GRHL2: variants seen among roughly 807,000 people sequenced by gnomAD.
GRHL2 encodes the protein grainyhead-like protein 2 homolog.
Under a neutral mutation model 83.8 loss-of-function variants are expected in GRHL2, and 21 were observed. The observed-to-expected ratio is 0.25, with a 90% CI of 0.18 to 0.36. GRHL2 has a LOEUF of 0.36. Ranked by LOEUF, GRHL2 falls within the 10% of genes least tolerant of loss-of-function variation. The pLI, the probability that GRHL2 is intolerant of heterozygous loss-of-function variation, is 1.00. For missense variants in GRHL2, 623 were observed against 781.8 expected (o/e 0.80, Z 2.42); for synonymous variants, 280 against 278.9 (o/e 1.00, Z -0.04).
rs760307808 is a variant in GRHL2, at chr8:101,599,039, C to G, written c.1004-18C>G. 37 of 1,568,900 alleles carry G rather than the reference C, an allele frequency of 2.4e-5. No homozygotes were observed. ...ACTCTTACTCCTTTAAAAGCTTGTT[C>G]TTTTTTTAATGTTACAGCCGATTAC... On this transcript the variant is annotated intron_variant, in intron 7 of 15. Coordinates refer to ENST00000646743, the MANE Select transcript of GRHL2 (RefSeq NM_024915.4).
chr8:101,523,665 A>G (rs143021484), intron 1 of GRHL2, among the ~76,000 whole-genome samples: 95 of 152,126 alleles, frequency 6.2e-4, no homozygotes, highest in African/African-American at 2.2e-3. Context: ...TTATTTGTAA[A>G]GATGGGTTTT....
intron 8 of GRHL2, among the ~76,000 whole-genome samples, chr8:101,618,008 G>GAAT (rs1812889498): frequency 6.6e-6 from 1 of 152,162 alleles, no homozygotes; most frequent in African/African-American, 2.4e-5. Context: ...TTAAAGCAAT[G>GAAT]AATAGTTTAA....
downstream of GRHL2, among the ~76,000 whole-genome samples, chr8:101,672,995 G>A (rs1389276353): frequency 6.6e-6 from 1 of 150,576 alleles, no homozygotes; most frequent in African/African-American, 2.4e-5. Context: ...TTACAGACAA[G>A]CAAATGCTGA....
intron 7 of GRHL2, among the ~76,000 whole-genome samples, chr8:101,592,139 C>G (rs1393746533): frequency 9.1e-6 from 1 of 110,024 alleles, no homozygotes. Context: ...GAGTCTTGCT[C>G]TGTCGCCCAG....
At chr8:101,577,898 A>C (rs1811965545) in intron 7 of GRHL2, among the ~76,000 whole-genome samples, 1 of 152,210 alleles carries the variant, frequency 6.6e-6, no homozygotes, top group African/African-American at 2.4e-5. Flanking sequence ...TGTGACCCTA[A>C]AGCCATTTGG....
chr8:101,635,547 T>G (rs1352266539), intron 11 of GRHL2, among the ~76,000 whole-genome samples: 1 of 152,126 alleles, frequency 6.6e-6, no homozygotes. Context: ...CAAGCCAACA[T>G]GGGGAACTTT....
Position 101,649,415 on chromosome 8 carries a change from G to T in GRHL2, c.1614G>T (p.Val538=). The change falls in exon 14 of 16, where the codon GTG becomes GTT. Residue 538 remains valine, a splice_region_variant and synonymous_variant. Transcript: ENST00000646743. ...KQMKEEGTKR[V]LLYVRKETDD... ...GGCTCTCTTGCCCATCTCTTCCAGTGCTCTTGTACGTGAGGAAGGAGACTG... is the reference window on the plus strand; with the variant it reads ...GGCTCTCTTGCCCATCTCTTCCAGTTCTCTTGTACGTGAGGAAGGAGACTG... 1 of 1,613,616 alleles carries T rather than the reference G, an allele frequency of 6.2e-7. No homozygotes were observed. Among genetic ancestry groups the T allele is most frequent in the East Asian group, 2.2e-5 (1 of 44,868 alleles).
intron 7 of GRHL2, among the ~76,000 whole-genome samples, chr8:101,586,187 C>G (rs760856455): frequency 4.6e-5 from 7 of 150,706 alleles, no homozygotes; most frequent in Non-Finnish European, 8.8e-5. Flanking sequence ...TCACGCCATT[C>G]TCCTGCCTCA....
At chr8:101,569,384 G>C (rs990541633) in intron 4 of GRHL2, among the ~76,000 whole-genome samples, 1 of 152,152 alleles carries the variant, frequency 6.6e-6, no homozygotes, top group Non-Finnish European at 1.5e-5. Context: ...GCACTGAATA[G>C]GGTCAAATTA....
chr8:101,602,129 TA>T, intron 8 of GRHL2, among the ~76,000 whole-genome samples: 1 of 152,360 alleles, frequency 6.6e-6, no homozygotes. Flanking sequence ...AGAGAAATCA[TA>T]AAAGTTAAAT....
Position 101,627,492 on chromosome 8 carries a change from C to T in GRHL2, c.1258-4145C>T, listed in dbSNP as rs958373677. 5.9e-5 allele frequency among the ~76,000 whole-genome samples: 9 copies of T among 152,198 alleles called. No homozygotes were observed. In the South Asian group the frequency reaches 1.4e-3, roughly 24 times the overall value. On this transcript the variant is annotated intron_variant, in intron 9 of 15. Coordinates refer to ENST00000646743, the MANE Select transcript of GRHL2 (RefSeq NM_024915.4). Reference sequence around the variant, plus strand: ...CCACCAACCAGCTGTTCCCTAGTCTCTCTCCCTCTCTTCCTTTGGTCTTCC... The same window carrying T: ...CCACCAACCAGCTGTTCCCTAGTCTTTCTCCCTCTCTTCCTTTGGTCTTCC...
chr8:101,666,222 G>T (rs965104853), intron 15 of GRHL2, among the ~76,000 whole-genome samples: 1 of 152,110 alleles, frequency 6.6e-6, no homozygotes, highest in African/African-American at 2.4e-5. Context: ...GCATTTTCAA[G>T]GGCAACATGG....
the GRHL2 span, among the ~76,000 whole-genome samples, chr8:101,675,391 C>A: frequency 1.3e-5 from 2 of 152,028 alleles, no homozygotes; most frequent in African/African-American, 4.8e-5. Flanking sequence ...GTGCAAAAAT[C>A]ACAAGCATTC....
At chr8:101,553,623 CTT>C (rs1184533206) in intron 3 of GRHL2, among the ~76,000 whole-genome samples, 5,265 of 106,688 alleles carry the variant, frequency 0.049, 146 homozygotes, top group African/African-American at 0.17. Flanking sequence ...TCATCCACTT[CTT>C]TTTTTTTTTT....
rs971783090 is a variant in GRHL2 at position 101,619,780 on chromosome 8, G to T, written c.1257+83G>T. 3 of 1,062,550 alleles carry T rather than the reference G, an allele frequency of 2.8e-6. No homozygotes were observed. The Admixed American group carries it at 5.4e-5, about 19-fold the overall frequency. The allele number at this position is 1,062,550 out of a possible 1,614,324, so 65.8% of individuals were successfully genotyped here. A position where few individuals can be genotyped will look rare whatever the true frequency, so the allele number is the denominator to read the frequency against. ...ATGGCATTTCTTCCTTGTCACCTTT[G>T]CTTGTCTAGTGGTGTCAAAATATTC... On this transcript the variant is annotated intron_variant, in intron 9 of 15. Transcript: ENST00000646743.
chr8:101,531,499 TAGAA>T (rs1486381580), intron 1 of GRHL2, among the ~76,000 whole-genome samples: 2 of 152,002 alleles, frequency 1.3e-5, no homozygotes, highest in Admixed American at 6.6e-5. Context: ...AGTCAAAAAG[TAGAA>T]AGGAGAAAAT....
intron 9 of GRHL2, among the ~76,000 whole-genome samples, chr8:101,624,834 A>G (rs1813050235): frequency 6.6e-6 from 1 of 152,150 alleles, no homozygotes. Flanking sequence ...TTGCCCAGAG[A>G]CACACAGTGG....
chr8:101,665,681 T>TAAATGTTTTTATCATA (rs1814035475), intron 15 of GRHL2, among the ~76,000 whole-genome samples: 1 of 152,232 alleles, frequency 6.6e-6, no homozygotes, highest in Non-Finnish European at 1.5e-5. Flanking sequence ...GGTGTTGTGC[T>TAAATGTTTTTATCATA]AAATGTTTTT....
intron 3 of GRHL2, among the ~76,000 whole-genome samples, chr8:101,555,604 G>A (rs1415056924): frequency 2.0e-5 from 3 of 152,140 alleles, no homozygotes; most frequent in South Asian, 4.1e-4. Flanking sequence ...GCTGGATTCA[G>A]ATGAAACATA....
Sources: gnomAD v4.1 joint callset for allele counts (sites outside exome capture counted in the v4.1 genomes callset) on GRCh38, gnomAD v4.1.1 for gene constraint, MANE v1.5 for transcripts, NCBI Gene and HGNC (gene_info 2026-07-23, HGNC 2026-07-21) for gene names.